The following ECE1 variants were observed in gnomAD, a reference collection of about 807,000 sequenced individuals.
ECE1 encodes the protein endothelin converting enzyme 1.
ECE1 carries 35 observed loss-of-function variants against 98.6 expected under a neutral mutation model. The observed-to-expected ratio is 0.35, with a 90% CI of 0.27 to 0.47. The LOEUF is 0.47. Among genes scored for constraint, ECE1 ranks in the 20% least tolerant of loss-of-function variants. The probability of loss-of-function intolerance (pLI) is 1.00; values close to 1 mark genes in which losing one functional copy is unlikely to be tolerated. For missense variants in ECE1, 814 were observed against 1,025.3 expected, an observed-to-expected ratio of 0.79 and a Z score of 2.81; for synonymous variants, 394 against 407.1, an observed-to-expected ratio of 0.97 and a Z score of 0.39.
At position 21,301,479 on chromosome 1, in the gene ECE1, C is replaced by T. The variant is rs554818398; in HGVS notation, c.4-11323G>A. On this transcript the variant is annotated intron_variant, in intron 1 of 18. Coordinates refer to the ECE1 transcript ENST00000415912. ...CACTGCACTCCAGCCTGGGCGACAGCGAGACTCCGTCTCAAAAAACAAACA... is the reference window on the plus strand; with the variant it reads ...CACTGCACTCCAGCCTGGGCGACAGTGAGACTCCGTCTCAAAAAACAAACA... 5.3e-5 allele frequency among the ~76,000 whole-genome samples: 8 copies of T among 150,754 alleles called. No homozygotes were observed. In the South Asian group the frequency reaches 1.5e-3, roughly 28 times the overall value.
At chr1:21,253,903 T>C (rs2098216375) in intron 8 of ECE1, among the ~76,000 whole-genome samples, 2 of 149,516 alleles carry the variant, frequency 1.3e-5, no homozygotes, top group African/African-American at 4.9e-5. Context: ...ACCCCGACTC[T>C]ACTAAAAATA....
chr1:21,286,651 G>C (rs1183429334), intron 2 of ECE1, among the ~76,000 whole-genome samples: 1 of 152,144 alleles, frequency 6.6e-6, no homozygotes, highest in Non-Finnish European at 1.5e-5. Flanking sequence ...AAAAGAACAG[G>C]TTAGGCACGG....
chr1:21,222,900 A>G (rs1480245634), intron 17 of ECE1, among the ~76,000 whole-genome samples: 1 of 151,590 alleles, frequency 6.6e-6, no homozygotes, highest in Admixed American at 6.6e-5. Context: ...GCCAGCTGCA[A>G]CGCCAAGAAA....
At chr1:21,269,196 G>T (rs970983442) in intron 4 of ECE1, among the ~76,000 whole-genome samples, 8 of 152,196 alleles carry the variant, frequency 5.3e-5, no homozygotes, top group African/African-American at 1.9e-4. Context: ...AGGCTTTGAG[G>T]TCCCACAGCT....
intron 1 of ECE1, among the ~76,000 whole-genome samples, chr1:21,323,457 C>G (rs1441925901): frequency 6.6e-6 from 1 of 152,044 alleles, no homozygotes; most frequent in Non-Finnish European, 1.5e-5. Flanking sequence ...GGAAACAAAA[C>G]AGACAAAATC....
intron 1 of ECE1, among the ~76,000 whole-genome samples, chr1:21,342,235 TG>T (rs1639412822): frequency 6.6e-6 from 1 of 152,098 alleles, no homozygotes; most frequent in South Asian, 2.1e-4. Context: ...CAGCTGCAGA[TG>T]GGGGATGATG....
Position 21,307,873 on chromosome 1 carries a change from G to A in ECE1, c.4-17717C>T, listed in dbSNP as rs1337042263. Among the ~76,000 whole-genome samples, 2 of 152,174 alleles carry A rather than the reference G, an allele frequency of 1.3e-5. No homozygotes were observed. Among genetic ancestry groups the A allele is most frequent in the South Asian group, 2.1e-4 (1 of 4,834 alleles). ...CCTGCCCCCTTGAGAGGTTGGCCCC[G>A]CCTTGAGCATCCTTGTCAGGCAGAG... On this transcript the variant is annotated intron_variant, in intron 1 of 18. Coordinates refer to the ECE1 transcript ENST00000415912. The surrounding 1 kb of genome is among the most constrained non-coding windows in gnomAD (Gnocchi z 4.2).
chr1:21,300,462 T>G, intron 1 of ECE1, among the ~76,000 whole-genome samples: 1 of 151,384 alleles, frequency 6.6e-6, no homozygotes, highest in Admixed American at 6.6e-5. Flanking sequence ...TGAGACAGAG[T>G]CTTGCTCTGT....
chr1:21,341,574 C>T (rs1639399520), intron 1 of ECE1, among the ~76,000 whole-genome samples: 1 of 152,232 alleles, frequency 6.6e-6, no homozygotes, highest in Admixed American at 6.5e-5. Flanking sequence ...CCCAACTCTG[C>T]AGGGAAAACA....
At position 21,290,085 on chromosome 1, in the gene ECE1, G is replaced by A; in HGVS notation, c.123C>T (p.Tyr41=). 1.3e-6 allele frequency: 2 copies of A among 1,541,708 alleles called. No individual in the cohort carries two copies. Among genetic ancestry groups the A allele is most frequent in the Non-Finnish European group, 1.7e-6 (2 of 1,144,496 alleles). Residue 41 remains tyrosine, a synonymous_variant, in exon 2 of 19, where the codon TAC becomes TAT. Transcript: ENST00000374893. This position sits in a 1 kb window ranked among gnomAD's most constrained non-coding sequence, Gnocchi z 7.3. The stretch of plus-strand genomic sequence containing the variant: ...GGGCGCCTACCTGCAGGCCGTTGGG[G>A]TATGCGTCGCCCTCGGAGAGCGAGT... ...LVDSLSEGDA[Y]PNGLQVNFHS...
intron 1 of ECE1, among the ~76,000 whole-genome samples, chr1:21,329,760 T>G (rs548933974): frequency 6.6e-6 from 1 of 152,254 alleles, no homozygotes; most frequent in African/African-American, 2.4e-5. Context: ...CCTAGTCACT[T>G]AGAGAGACAC....
intron 1 of ECE1, among the ~76,000 whole-genome samples, chr1:21,321,055 A>G (rs1247098228): frequency 6.6e-6 from 1 of 151,954 alleles, no homozygotes; most frequent in Non-Finnish European, 1.5e-5. Flanking sequence ...CTTCATGATC[A>G]CCCTGTGCTG....
At chr1:21,265,665 GTATCT>G (rs1171812163) in intron 4 of ECE1, among the ~76,000 whole-genome samples, 1 of 152,158 alleles carries the variant, frequency 6.6e-6, no homozygotes, top group Non-Finnish European at 1.5e-5. Flanking sequence ...GCTCGTCTCG[GTATCT>G]TTTTTCAGAC....
rs548737153 is a variant in ECE1 at position 21,344,679 on chromosome 1, C to G, written c.3+697G>C. Among the ~76,000 whole-genome samples the G allele has an allele frequency of 7.8e-4, 119 of 152,310 alleles. 1 individual carries two copies. Among genetic ancestry groups the G allele is most frequent in the African/African-American group, 2.7e-3 (114 of 41,578 alleles). ...GTTCCCTTTCTCCCTGGTACTCCTG[C>G]CTATCGCAGTCAGCACTCGGCCTCA... On this transcript the variant is annotated intron_variant, in intron 1 of 18. Coordinates refer to the ECE1 transcript ENST00000415912.
chr1:21,331,518 G>A (rs1480274948), intron 1 of ECE1, among the ~76,000 whole-genome samples: 1 of 151,990 alleles, frequency 6.6e-6, no homozygotes, highest in African/African-American at 2.4e-5. Flanking sequence ...GGAGGTTGAG[G>A]TTGCAGTGAG....
chr1:21,289,058 G>A (rs1037270835), intron 2 of ECE1, among the ~76,000 whole-genome samples: 7 of 152,174 alleles, frequency 4.6e-5, no homozygotes, highest in African/African-American at 1.2e-4. Flanking sequence ...TCTAAGAGGC[G>A]TATCTGAGTG....
intron 17 of ECE1, among the ~76,000 whole-genome samples, chr1:21,222,474 G>C (rs1463827409): frequency 1.3e-5 from 2 of 152,182 alleles, no homozygotes; most frequent in Non-Finnish European, 1.5e-5. Context: ...TGGATGGCCA[G>C]AGAGTGAGCA....
intron 1 of ECE1, among the ~76,000 whole-genome samples, chr1:21,343,742 T>C (rs72868886): frequency 0.1 from 15,307 of 152,220 alleles, 2,539 homozygotes; most frequent in African/African-American, 0.34. Flanking sequence ...CTCTTCACAA[T>C]AGGCTGGTGG....
At chr1:21,262,349 G>C (rs967623607) in intron 4 of ECE1, among the ~76,000 whole-genome samples, 2 of 152,190 alleles carry the variant, frequency 1.3e-5, no homozygotes, top group Non-Finnish European at 2.9e-5. Flanking sequence ...GGGCGGAAAT[G>C]GGGAAGCTGG....
Sources: allele counts gnomAD v4.1 joint callset (sites outside exome capture counted in the v4.1 genomes callset), GRCh38; gene constraint gnomAD v4.1.1; non-coding constraint Gnocchi (gnomAD v3.1); transcripts MANE v1.5; gene names NCBI Gene and HGNC (gene_info 2026-07-23, HGNC 2026-07-21).